Variants in KPNA1 observed in about 807,000 individuals in gnomAD.
KPNA1 encodes the protein importin subunit alpha-5.
Under a neutral mutation model 70.5 loss-of-function variants are expected in KPNA1, and 10 were observed. The ratio of observed to expected loss-of-function variants is 0.14; its 90% CI spans 0.09 to 0.24. KPNA1 has a LOEUF of 0.24. KPNA1 is among the 10% of genes least tolerant of loss of function. The pLI is 1.00. For missense variants in KPNA1, 397 were observed against 637.9 expected (o/e 0.62, Z 4.07); for synonymous variants, 192 against 221.9 (o/e 0.87, Z 1.20).
intron 10 of KPNA1, among the ~76,000 whole-genome samples, chr3:122,440,798 G>C (rs2076052693): frequency 6.6e-6 from 1 of 152,222 alleles, no homozygotes; most frequent in African/African-American, 2.4e-5. Context: ...GGAGAGGAAA[G>C]AATCAAGCTG....
chr3:122,492,093 C>T lies in KPNA1; in HGVS notation c.129+4344G>A, dbSNP rs371031413. On this transcript the variant is annotated intron_variant, in intron 2 of 13. Coordinates refer to ENST00000344337, the MANE Select transcript of KPNA1 (RefSeq NM_002264.4). ...GCCAGGATGGTCTCGATCTCCTGAC[C>T]TCGTGATCCGCCCGTCTCGGCCTCC... Among the ~76,000 whole-genome samples, 5 of 151,802 alleles carry T rather than the reference C, an allele frequency of 3.3e-5. No homozygotes were observed. The East Asian group carries it at 9.6e-4, about 29-fold the overall frequency.
chr3:122,452,618 G>GAA (rs2076218967), intron 6 of KPNA1, among the ~76,000 whole-genome samples: 9 of 94,096 alleles, frequency 9.6e-5, no homozygotes, highest in South Asian at 5.2e-4. Context: ...AGGGAGGGAG[G>GAA]GAAAGGAGGG....
chr3:122,480,164 G>A lies in KPNA1; in HGVS notation c.130-12735C>T, dbSNP rs1287440755. Among the ~76,000 whole-genome samples, 6 of 152,296 alleles carry A rather than the reference G, an allele frequency of 3.9e-5. No individual in the cohort carries two copies. The East Asian group carries it at 1.2e-3, about 29-fold the overall frequency. On this transcript the variant is annotated intron_variant, in intron 2 of 13. Transcript: ENST00000344337. The stretch of plus-strand genomic sequence containing the variant: ...TTAGTAGTTGTTGTAGGAGGTTGGG[G>A]AAAGGAGGGACAAATAGGTGGAGCA...
At chr3:122,510,295 A>C (rs2076941140) in intron 1 of KPNA1, among the ~76,000 whole-genome samples, 1 of 152,240 alleles carries the variant, frequency 6.6e-6, no homozygotes, top group African/African-American at 2.4e-5. Flanking sequence ...GAACCAGTAC[A>C]AAAGAGGGCA....
intron 6 of KPNA1, among the ~76,000 whole-genome samples, chr3:122,453,092 G>A (rs1399884619): frequency 6.6e-6 from 1 of 152,010 alleles, no homozygotes; most frequent in Non-Finnish European, 1.5e-5. Flanking sequence ...GGGACAACAG[G>A]CGTGTGCCAC....
At chr3:122,431,807 T>A (rs1030228536) in intron 12 of KPNA1, among the ~76,000 whole-genome samples, 5 of 147,326 alleles carry the variant, frequency 3.4e-5, no homozygotes, top group African/African-American at 4.9e-5. Flanking sequence ...TTCTTCTTCT[T>A]TTTTTTTTTT....
At chr3:122,494,914 T>C (rs1253758066) in intron 2 of KPNA1, among the ~76,000 whole-genome samples, 1 of 152,116 alleles carries the variant, frequency 6.6e-6, no homozygotes, top group African/African-American at 2.4e-5. Flanking sequence ...GTATCATACA[T>C]GTATTCCACT....
At chr3:122,428,039 C>G (rs953973487) in intron 12 of KPNA1, among the ~76,000 whole-genome samples, 5 of 152,152 alleles carry the variant, frequency 3.3e-5, no homozygotes, top group Non-Finnish European at 7.4e-5. Flanking sequence ...GTAATTTCAT[C>G]TTTGTTTCCA....
At chr3:122,441,744 C>T (rs537080837) in intron 10 of KPNA1, among the ~76,000 whole-genome samples, 3 of 152,134 alleles carry the variant, frequency 2.0e-5, no homozygotes, top group African/African-American at 7.2e-5. Context: ...GAACTACAGG[C>T]GTGTGCAACC....
rs917898934 is a variant in KPNA1, at chr3:122,422,500, G to A, written c.*4485C>T. 1 of 152,190 alleles carries A rather than the reference G, an allele frequency of 6.6e-6. No homozygotes were observed. The highest frequency in any genetic ancestry group is 1.9e-4 in the East Asian group (1 of 5,198). The allele number at this position is 152,190 out of a possible 1,614,324, so 9.4% of individuals were successfully genotyped here. A position where few individuals can be genotyped will look rare whatever the true frequency, so the allele number is the denominator to read the frequency against. ...AGCCTGATTTCGTCATTTTAAGGGT[G>A]CTGATGGTAAGCAGGAGTCAGGAAG... is the stretch of plus-strand genomic sequence containing the variant. On this transcript the variant is annotated 3_prime_UTR_variant, in exon 14 of 14. Coordinates refer to ENST00000344337, the MANE Select transcript of KPNA1 (RefSeq NM_002264.4).
intron 9 of KPNA1, among the ~76,000 whole-genome samples, chr3:122,449,283 T>TC (rs2076173575): frequency 6.6e-6 from 1 of 152,172 alleles, no homozygotes; most frequent in East Asian, 1.9e-4. Context: ...CCTTCTGATG[T>TC]CCGGTGGTTG....
chr3:122,437,203 A>G lies in KPNA1; in HGVS notation c.1089T>C (p.Ser363=). ...GTGCCCTATTTCCAGCTGTAATATT[A>G]GATATCGTCCAACATGCTTCCTTTT... ...SIKKEACWTI[S]NITAGNRAQI... The change falls in exon 11 of 14, where the codon TCT becomes TCC. Residue 363 remains serine (S), a synonymous_variant. Coordinates refer to ENST00000344337, the MANE Select transcript of KPNA1 (RefSeq NM_002264.4). 6.2e-7 allele frequency: 1 copy of G among 1,614,012 alleles called. No homozygotes were observed. Among genetic ancestry groups the G allele is most frequent in the Non-Finnish European group, 8.5e-7 (1 of 1,179,864 alleles).
At chr3:122,464,386 G>A (rs2107747607) in intron 3 of KPNA1, 1 of 170,572 alleles carries the variant, frequency 5.9e-6, no homozygotes, top group African/African-American at 2.4e-5. Flanking sequence ...AGACCTCCAA[G>A]CCTAAAGTAG....
At chr3:122,431,023 C>A (rs2075898268) in intron 12 of KPNA1, among the ~76,000 whole-genome samples, 1 of 152,212 alleles carries the variant, frequency 6.6e-6, no homozygotes, top group Admixed American at 6.5e-5. Flanking sequence ...ATTCTCTATA[C>A]AAATAGTAAG....
At chr3:122,486,134 GGAAAA>G (rs1329215760) in intron 2 of KPNA1, among the ~76,000 whole-genome samples, 2 of 152,068 alleles carry the variant, frequency 1.3e-5, no homozygotes, top group South Asian at 2.1e-4. Context: ...CTTACCTGAG[GGAAAA>G]GAAAAGTTAT....
chr3:122,511,759 A>C (rs1486352639), intron 1 of KPNA1, among the ~76,000 whole-genome samples: 1 of 152,124 alleles, frequency 6.6e-6, no homozygotes, highest in Non-Finnish European at 1.5e-5. Context: ...AAACAAAACA[A>C]GGAGTTATCT....
chr3:122,513,407 T>C (rs979360481), intron 1 of KPNA1, among the ~76,000 whole-genome samples: 1 of 152,268 alleles, frequency 6.6e-6, no homozygotes, highest in Non-Finnish European at 1.5e-5. Context: ...GAACTCATTC[T>C]TACTTTCCTT....
At chr3:122,456,517 A>T (rs2076266776) in intron 5 of KPNA1, among the ~76,000 whole-genome samples, 1 of 152,196 alleles carries the variant, frequency 6.6e-6, no homozygotes, top group Admixed American at 6.5e-5. Flanking sequence ...TAGAATTCTA[A>T]TTGGTGCCAG....
chr3:122,442,767 T>C (rs1354165010), intron 9 of KPNA1: 5 of 152,222 alleles, frequency 3.3e-5, no homozygotes, highest in Admixed American at 3.3e-4. Context: ...CCGATCACTC[T>C]TCTAAAAACT....
Sources: gnomAD v4.1 joint callset for allele counts (sites outside exome capture counted in the v4.1 genomes callset) on GRCh38, gnomAD v4.1.1 for gene constraint, MANE v1.5 for transcripts, NCBI Gene and HGNC (gene_info 2026-07-23, HGNC 2026-07-21) for gene names.